Variants in TRIM58 observed in about 807,000 individuals in gnomAD.
TRIM58 encodes the protein E3 ubiquitin-protein ligase TRIM58.
A neutral mutation model predicts 34.1 loss-of-function variants in TRIM58; 38 were observed. The observed-to-expected ratio is 1.12, with a 90% confidence interval of 0.86 to 1.46. The LOEUF is 1.46. Among genes scored for constraint, TRIM58 ranks in the 40% most tolerant of loss-of-function variants. The pLI, the probability that TRIM58 is intolerant of heterozygous loss-of-function variation, is 0.00. For synonymous variants in TRIM58, 273 were observed against 275.7 expected (o/e 0.99, Z 0.10); for missense variants, 677 against 642.0 (o/e 1.05, Z -0.59).
At chr1:247,857,866 C>CA (rs1409256363) in intron 1 of TRIM58, among the ~76,000 whole-genome samples, 200 bp downstream of exon 1, 1 of 152,130 alleles carries the variant, frequency 6.6e-6, no homozygotes, top group Non-Finnish European at 1.5e-5. Flanking sequence ...CTTTGCGACA[C>CA]ACACCCATTA....
rs748051636 is a variant in TRIM58, at chr1:247,878,484, A to G, written c.*1995A>G. Among the ~76,000 whole-genome samples, 1 of 152,168 alleles carries G rather than the reference A, an allele frequency of 6.6e-6. No homozygotes were observed. The highest frequency in any genetic ancestry group is 1.5e-5 in the Non-Finnish European group (1 of 68,038). On this transcript the variant is annotated 3_prime_UTR_variant, in exon 6 of 6. Transcript: ENST00000366481. ...CTTCTACTCTCTGTGATAGATTTGCAAACAGAGGAAATAACGCATCCTCGT... is the reference window on the plus strand; with the variant it reads ...CTTCTACTCTCTGTGATAGATTTGCGAACAGAGGAAATAACGCATCCTCGT...
At chr1:247,858,857 T>C (rs1475270133) in intron 1 of TRIM58, among the ~76,000 whole-genome samples, 1 of 140,834 alleles carries the variant, frequency 7.1e-6, no homozygotes, top group Admixed American at 7.8e-5. Flanking sequence ...GTCTCCCGGG[T>C]CCTGGTGCAA....
rs186239935 is a variant in TRIM58, at chr1:247,863,235, T to C, written c.517-1470T>C. Reference sequence around the variant, plus strand: ...GCCTTTTAGTCAAAGCAAGAAGTTATCACGTTTAAAAACAGGCAAATAGGC... The same window carrying C: ...GCCTTTTAGTCAAAGCAAGAAGTTACCACGTTTAAAAACAGGCAAATAGGC... On this transcript the variant is annotated intron_variant, in intron 2 of 5. Transcript: ENST00000366481. Among the ~76,000 whole-genome samples, 22 of 152,302 alleles carry C rather than the reference T, an allele frequency of 1.4e-4. No homozygotes were observed. In the East Asian group the frequency reaches 3.9e-3, roughly 27 times the overall value.
At chr1:247,857,810 G>C in intron 1 of TRIM58, 144 bp downstream of exon 1, 4 of 1,137,776 alleles carry the variant, frequency 3.5e-6, no homozygotes, top group Non-Finnish European at 4.4e-6. Flanking sequence ...CCCCGCCCAC[G>C]CGGCTCACTC....
At chr1:247,858,956 G>C (rs955311713) in intron 1 of TRIM58, among the ~76,000 whole-genome samples, 1 of 151,680 alleles carries the variant, frequency 6.6e-6, no homozygotes, top group Non-Finnish European at 1.5e-5. Flanking sequence ...TAGTAGAGAC[G>C]GGGTTTCACT....
chr1:247,862,075 C>G (rs1663805732), intron 2 of TRIM58, among the ~76,000 whole-genome samples: 1 of 152,134 alleles, frequency 6.6e-6, no homozygotes, highest in African/African-American at 2.4e-5. Context: ...TTGTGGTGAG[C>G]TGAGATCGTG....
At chr1:247,859,772 A>T (rs1018092130) in intron 1 of TRIM58, among the ~76,000 whole-genome samples, 1 of 151,928 alleles carries the variant, frequency 6.6e-6, no homozygotes, top group African/African-American at 2.4e-5. Flanking sequence ...GAATACAGTT[A>T]TATAGAGAAA....
chr1:247,876,715 T>C lies in TRIM58; in HGVS notation c.*226T>C, dbSNP rs994532987. 3.1e-5 allele frequency: 16 copies of C among 520,144 alleles called. No individual in the cohort carries two copies. The highest frequency in any genetic ancestry group is 5.4e-5 in the Non-Finnish European group (16 of 296,600). 32.2% of individuals were successfully genotyped at this position (520,144 alleles called of 1,614,324 possible). A position where few individuals can be genotyped will look rare whatever the true frequency, so the allele number is the denominator to read the frequency against. On this transcript the variant is annotated 3_prime_UTR_variant, in exon 6 of 6. Coordinates refer to ENST00000366481, the MANE Select transcript of TRIM58 (RefSeq NM_015431.4). Reference sequence around the variant, plus strand: ...ATGGAGCAATCTCAACCTCTATTTCTAGATCACATTTTCTTGATGTCTTCC... The same window carrying C: ...ATGGAGCAATCTCAACCTCTATTTCCAGATCACATTTTCTTGATGTCTTCC...
rs368652011 is a variant in TRIM58 at position 247,864,729 on chromosome 1, C to G, written c.541C>G (p.Arg181Gly). The stretch of plus-strand genomic sequence containing the variant: ...GGAGAAAGTGGAAATGCAGAGGCAG[C>G]GCTTCAGATTGGAGTTTGAGAAGCA... ...WKEKVEMQRQ[R>G]FRLEFEKHRG... The change falls in exon 3 of 6, where the codon CGC (arginine) becomes GGC (glycine). Residue 181 changes from arginine (R) to glycine (G), a missense_variant. Coordinates refer to ENST00000366481, the MANE Select transcript of TRIM58 (RefSeq NM_015431.4). The G allele has an allele frequency of 6.2e-7, 1 of 1,614,150 alleles. No homozygotes were observed. The highest frequency in any genetic ancestry group is 2.2e-5 in the East Asian group (1 of 44,864).
intron 1 of TRIM58, among the ~76,000 whole-genome samples, chr1:247,858,213 C>A (rs1044308382): frequency 2.6e-5 from 4 of 152,136 alleles, no homozygotes; most frequent in African/African-American, 9.7e-5. Context: ...GAAGTAGGAG[C>A]GGGTGGCTCT....
rs1021060272 is a variant in TRIM58 at position 247,876,354 on chromosome 1, T to C, written c.1326T>C (p.Gly442=). ...ACACATTCAACCAACTCTTCTCTGG[T>C]CTTCTTCGGCCTTACTTTTTCATCT... ...YIYTFNQLFS[G]LLRPYFFICD... Residue 442 remains glycine, a synonymous_variant, in exon 6 of 6, where the codon GGT becomes GGC. Coordinates refer to ENST00000366481, the MANE Select transcript of TRIM58 (RefSeq NM_015431.4). 8 of 1,614,092 alleles carry C rather than the reference T, an allele frequency of 5.0e-6. No homozygotes were observed. Among genetic ancestry groups the C allele is most frequent in the Non-Finnish European group, 6.8e-6 (8 of 1,180,042 alleles).
In TRIM58 at chr1:247,858,752, CTTTTTTTTTTTTTTT is replaced by C. The variant is rs386370399; in HGVS notation, c.420+1098_420+1112del. On this transcript the variant is annotated intron_variant, in intron 1 of 5. Coordinates refer to ENST00000366481, the MANE Select transcript of TRIM58 (RefSeq NM_015431.4). ...AGTCCAGAAAGAGGATTGGTAGTAACTTTTTTTTTTTTTTTTTTTTTTTTTTGAGACGGAGTCTAG... is the reference window on the plus strand; with the variant it reads ...AGTCCAGAAAGAGGATTGGTAGTAACTTTTTTTTTTTGAGACGGAGTCTAG... 3.2e-3 allele frequency among the ~76,000 whole-genome samples: 283 copies of C among 87,878 alleles called. 3 individuals are homozygous for C. The highest frequency in any genetic ancestry group is 0.012 in the South Asian group (26 of 2,092). 57.7% of individuals were successfully genotyped at this position (87,878 alleles called of 152,430 possible).
chr1:247,868,598 CCCA>C (rs1663984298), intron 5 of TRIM58, among the ~76,000 whole-genome samples: 1 of 152,146 alleles, frequency 6.6e-6, no homozygotes, highest in African/African-American at 2.4e-5. Context: ...CAAGACTGAC[CCCA>C]CTTCAGATGC....
intron 3 of TRIM58, 150 bp downstream of exon 3, chr1:247,865,085 G>T: frequency 1.5e-6 from 1 of 688,480 alleles, no homozygotes; most frequent in South Asian, 1.9e-5. Flanking sequence ...AAACACCCTA[G>T]AATTTACTCA....
chr1:247,865,823 C>T (rs1050814490), intron 3 of TRIM58, among the ~76,000 whole-genome samples: 3 of 152,272 alleles, frequency 2.0e-5, no homozygotes, highest in East Asian at 1.9e-4. Flanking sequence ...CAGTGACTCA[C>T]GCAGGGGATT....
In TRIM58 at chr1:247,879,251, C is replaced by A. The variant is rs1268530586; in HGVS notation, c.*2762C>A. ...ATCCGATTGAGTACTTTCTTGATTT[C>A]TCCAGCCCACATCCAGTCCATCGGC... On this transcript the variant is annotated 3_prime_UTR_variant, in exon 6 of 6. Coordinates refer to ENST00000366481, the MANE Select transcript of TRIM58 (RefSeq NM_015431.4). Among the ~76,000 whole-genome samples the A allele has an allele frequency of 6.6e-6, 1 of 152,206 alleles. No individual in the cohort carries two copies. Among genetic ancestry groups the A allele is most frequent in the Non-Finnish European group, 1.5e-5 (1 of 68,040 alleles).
At chr1:247,862,664 T>A (rs1018803271) in intron 2 of TRIM58, among the ~76,000 whole-genome samples, 1 of 152,204 alleles carries the variant, frequency 6.6e-6, no homozygotes, top group Admixed American at 6.5e-5. Flanking sequence ...AGTTCCTGCA[T>A]GTTTTAAGCC....
At position 247,877,408 on chromosome 1, in the gene TRIM58, TAA is replaced by T. The variant is rs34769974; in HGVS notation, c.*934_*935del. 0.02 allele frequency: 2,782 copies of T among 138,538 alleles called. 79 individuals are homozygous for T. The highest frequency in any genetic ancestry group is 0.068 in the African/African-American group (2,534 of 37,144). The allele number at this position is 138,538 out of a possible 1,614,324, so 8.6% of individuals were successfully genotyped here. On this transcript the variant is annotated 3_prime_UTR_variant, in exon 6 of 6. Coordinates refer to ENST00000366481, the MANE Select transcript of TRIM58 (RefSeq NM_015431.4). ...CAACATGGTGAAACCCTGTCTCTACTAAAAAAAAAAAAAAAATAGAAAAATTA... is the reference window on the plus strand; with the variant it reads ...CAACATGGTGAAACCCTGTCTCTACTAAAAAAAAAAAAAATAGAAAAATTA...
intron 5 of TRIM58, among the ~76,000 whole-genome samples, chr1:247,869,517 A>G (rs1664010729): frequency 6.6e-6 from 1 of 152,266 alleles, no homozygotes; most frequent in Non-Finnish European, 1.5e-5. Flanking sequence ...TAGACCAAAT[A>G]CACACTTCAC....
Sources: allele counts gnomAD v4.1 joint callset (sites outside exome capture counted in the v4.1 genomes callset), GRCh38; gene constraint gnomAD v4.1.1; transcripts MANE v1.5; gene names NCBI Gene and HGNC (gene_info 2026-07-23, HGNC 2026-07-21).